The following PCDHA2 variants were observed in gnomAD, a reference collection of about 807,000 sequenced individuals.
The protein encoded by PCDHA2 is protocadherin alpha-2.
In PCDHA2, 58 loss-of-function variants were observed where a neutral mutation model predicts 66.0. The ratio of observed to expected loss-of-function variants is 0.88; its 90% confidence interval spans 0.71 to 1.09. The LOEUF is 1.09. Ranked by LOEUF, PCDHA2 falls within the 50% of genes least tolerant of loss-of-function variation. The pLI is 0.00. For synonymous variants in PCDHA2, 634 were observed against 554.0 expected, an observed-to-expected ratio of 1.14 and a Z score of -2.03; for missense variants, 1,267 against 1,242.3, an observed-to-expected ratio of 1.02 and a Z score of -0.30.
chr5:140,966,694 C>T, intron 1 of PCDHA2: 1 of 1,358,670 alleles, frequency 7.4e-7, no homozygotes, highest in Non-Finnish European at 9.5e-7. Context: ...GAGGCGGGGC[C>T]CGGGCGTGGG....
At chr5:140,883,697 G>A (rs376619145) in intron 1 of PCDHA2, 3 of 1,613,880 alleles carry the variant, frequency 1.9e-6, no homozygotes, top group South Asian at 1.1e-5. Flanking sequence ...CATCTTCACG[G>A]TGTCTGCTCA....
intron 1 of PCDHA2, chr5:140,852,478 A>G: frequency 5.0e-6 from 1 of 199,118 alleles, no homozygotes. Flanking sequence ...GGGTTTCATC[A>G]TGTTGGCCAG....
intron 3 of PCDHA2, among the ~76,000 whole-genome samples, chr5:141,002,843 A>G (rs2098098678): frequency 6.6e-6 from 1 of 152,224 alleles, no homozygotes; most frequent in African/African-American, 2.4e-5. Context: ...AGGACTATGC[A>G]CTAGTGAGAG....
In PCDHA2 at chr5:140,835,966, T is replaced by C. The variant is rs2150249207; in HGVS notation, c.2388+38614T>C. The C allele has an allele frequency of 5.6e-6, 9 of 1,613,230 alleles. 1 individual carries two copies. In the South Asian group the frequency reaches 8.8e-5, roughly 16 times the overall value. On this transcript the variant is annotated intron_variant, in intron 1 of 3. Transcript: ENST00000526136. ...CTGCAGCCGTTGGACCACGAGGAGC[T>C]GGAGCTGTTGCAGTTCCAGGTGAGC... is the stretch of plus-strand genomic sequence containing the variant.
In PCDHA2 at chr5:140,843,447, G is replaced by T. The variant is rs2150360204; in HGVS notation, c.2388+46095G>T. The stretch of plus-strand genomic sequence containing the variant: ...ATCATCGCCATCTGCGCGGTATCCA[G>T]CCTGCTGGTGCTCACGCTGCTGCTG... On this transcript the variant is annotated intron_variant, in intron 1 of 3. Coordinates refer to ENST00000526136, the MANE Select transcript of PCDHA2 (RefSeq NM_018905.3). 44 of 1,596,056 alleles carry T rather than the reference G, an allele frequency of 2.8e-5. 4 individuals carry two copies. The highest frequency in any genetic ancestry group is 3.3e-4 in the Middle Eastern group (2 of 6,002).
intron 1 of PCDHA2, among the ~76,000 whole-genome samples, chr5:140,944,577 C>G (rs2093670906): frequency 6.6e-6 from 1 of 152,270 alleles, no homozygotes; most frequent in Admixed American, 6.5e-5. Flanking sequence ...CTGTAGAGAT[C>G]ACTTCAGAAT....
chr5:140,939,171 T>C (rs2092330047), intron 1 of PCDHA2, among the ~76,000 whole-genome samples: 1 of 152,170 alleles, frequency 6.6e-6, no homozygotes. Flanking sequence ...TGTCTGGTAA[T>C]GGCCCACTCC....
intron 1 of PCDHA2, chr5:140,966,679 G>C (rs1554228549): frequency 8.3e-6 from 11 of 1,317,564 alleles, no homozygotes; most frequent in East Asian, 3.0e-5. Context: ...AGGGTGGCAC[G>C]AGCGGAGGCG....
chr5:140,796,173 T>G lies in PCDHA2; in HGVS notation c.1209T>G (p.Asn403Lys). 6.2e-7 allele frequency: 1 copy of G among 1,614,172 alleles called. No individual in the cohort carries two copies. The highest frequency in any genetic ancestry group is 1.7e-5 in the Admixed American group (1 of 60,032). Residue 403 changes from asparagine (N) to lysine (K), a missense_variant, in exon 1 of 4, where the codon AAT becomes AAG. By Grantham distance (94) the Asn-to-Lys change is moderately conservative (BLOSUM62 0). Transcript: ENST00000526136. ...TCAAGCTGGTGTCCACCTTCAAGAA[T>G]TACTACTCGTTGGTGCTGGACAGCG... ...VPFKLVSTFK[N>K]YYSLVLDSAL...
chr5:140,868,957 A>G (rs2050760003), intron 1 of PCDHA2: 2 of 1,389,232 alleles, frequency 1.4e-6, no homozygotes, highest in East Asian at 2.3e-5. Context: ...AGGCACTCCC[A>G]TACAAAGGAA....
Position 140,883,762 on chromosome 5 carries a change from G to A in PCDHA2, c.2388+86410G>A, listed in dbSNP as rs782515575. 5 of 1,612,794 alleles carry A rather than the reference G, an allele frequency of 3.1e-6. No homozygotes were observed. The South Asian group carries it at 5.5e-5, about 18-fold the overall frequency. On this transcript the variant is annotated intron_variant, in intron 1 of 3. Coordinates refer to ENST00000526136, the MANE Select transcript of PCDHA2 (RefSeq NM_018905.3). ...TCTCCTACTCGCTGGTGGAGCGGCG[G>A]GTGGGCGAGCGTGCGCTGTCGAGCT... is the stretch of plus-strand genomic sequence containing the variant.
Position 140,845,928 on chromosome 5 carries a change from A to G in PCDHA2, c.2388+48576A>G, listed in dbSNP as rs1394601950. On this transcript the variant is annotated intron_variant, in intron 1 of 3. Coordinates refer to ENST00000526136, the MANE Select transcript of PCDHA2 (RefSeq NM_018905.3). ...CATATTAATCTTATTTTTGTGTAAA[A>G]CTATCTTCTGTAAAGTCATTTTTTA... Among the ~76,000 whole-genome samples the G allele has an allele frequency of 1.3e-5, 2 of 149,652 alleles. 1 individual carries two copies. The highest frequency in any genetic ancestry group is 1.3e-4 in the Admixed American group (2 of 14,942).
intron 1 of PCDHA2, among the ~76,000 whole-genome samples, chr5:140,916,528 C>T (rs2077601043): frequency 6.6e-6 from 1 of 152,154 alleles, no homozygotes; most frequent in South Asian, 2.1e-4. Context: ...TGGGTCCTTC[C>T]CACCAAGGCA....
intron 1 of PCDHA2, chr5:140,834,523 G>A: frequency 1.9e-6 from 3 of 1,614,068 alleles, no homozygotes; most frequent in East Asian, 2.2e-5. Flanking sequence ...TTCGTGGGCC[G>A]CATCGCGCAG....
chr5:140,862,620 G>T, intron 1 of PCDHA2: 1 of 528,384 alleles, frequency 1.9e-6, no homozygotes, highest in South Asian at 1.4e-5. Context: ...GTAACAACCC[G>T]CGGGGCTGCC....
chr5:140,860,216 T>G (rs1554153148), intron 1 of PCDHA2: 1 of 150,178 alleles, frequency 6.7e-6, no homozygotes, highest in Admixed American at 6.6e-5. Context: ...TATGTACTTA[T>G]GTATATATAA....
intron 1 of PCDHA2, chr5:140,870,600 C>T (rs2052205241): frequency 6.2e-7 from 1 of 1,613,338 alleles, no homozygotes. Context: ...GGCGGTTGGG[C>T]GACCGCGCGC....
intron 1 of PCDHA2, chr5:140,966,397 G>C (rs782390663): frequency 4.5e-5 from 18 of 404,120 alleles, no homozygotes; most frequent in Admixed American, 2.2e-4. Flanking sequence ...CCGCCACTTC[G>C]GCGCGGAATC....
chr5:140,842,516 T>A (rs530202531), intron 1 of PCDHA2: 1 of 1,613,504 alleles, frequency 6.2e-7, no homozygotes, highest in African/African-American at 1.3e-5. Context: ...CAAGCTGGTG[T>A]CCACCTTCAA....
Sources: allele counts gnomAD v4.1 joint callset (sites outside exome capture counted in the v4.1 genomes callset), GRCh38; gene constraint gnomAD v4.1.1; transcripts MANE v1.5; gene names NCBI Gene and HGNC (gene_info 2026-07-23, HGNC 2026-07-21).